Variants in CDH12 observed in about 807,000 individuals in gnomAD.
The protein encoded by CDH12 is cadherin 12, also known as cadherin-12.
In CDH12, 41 loss-of-function variants were observed where a neutral mutation model predicts 74.1. That is an observed-to-expected ratio of 0.55 (90% CI 0.43 to 0.72). The LOEUF is 0.72. Ranked by LOEUF, CDH12 falls within the 30% of genes least tolerant of loss-of-function variation. The pLI is 0.00. For missense variants in CDH12, 945 were observed against 977.2 expected, an observed-to-expected ratio of 0.97 and a Z score of 0.44; for synonymous variants, 399 against 355.0, an observed-to-expected ratio of 1.12 and a Z score of -1.39.
chr5:22,458,489 C>G (rs1443763391), intron 2 of CDH12, among the ~76,000 whole-genome samples: 1 of 152,142 alleles, frequency 6.6e-6, no homozygotes, highest in African/African-American at 2.4e-5. Flanking sequence ...CCAGAACCTA[C>G]CAAGTACAAC....
intron 6 of CDH12, among the ~76,000 whole-genome samples, chr5:21,922,223 A>C (rs1393216714): frequency 6.6e-6 from 1 of 152,156 alleles, no homozygotes; most frequent in Admixed American, 6.5e-5. Flanking sequence ...TTCTCTCTTT[A>C]TACACAGGAA....
chr5:21,831,125 T>C (rs558913863), intron 8 of CDH12, among the ~76,000 whole-genome samples: 1 of 151,910 alleles, frequency 6.6e-6, no homozygotes, highest in African/African-American at 2.4e-5. Context: ...TAAAACAATG[T>C]CGTTTTAGCT....
chr5:22,089,715 G>GA (rs552233408), intron 4 of CDH12, among the ~76,000 whole-genome samples: 21 of 151,690 alleles, frequency 1.4e-4, no homozygotes, highest in African/African-American at 4.6e-4. Context: ...ATCAACTGCA[G>GA]AAAAAAAATT....
chr5:22,385,885 T>C (rs961133687), intron 3 of CDH12, among the ~76,000 whole-genome samples: 2 of 130,514 alleles, frequency 1.5e-5, no homozygotes, highest in Middle Eastern at 4.1e-3. Flanking sequence ...GGCTACGCGC[T>C]TTTTTTTTTT....
chr5:21,880,675 CTTTCT>C (rs1752294571), intron 6 of CDH12, among the ~76,000 whole-genome samples: 1 of 115,776 alleles, frequency 8.6e-6, no homozygotes, highest in African/African-American at 3.1e-5. Flanking sequence ...TTCTTTCTTT[CTTTCT>C]TTCTTTCTTT....
chr5:22,118,277 A>G (rs1179262068), intron 4 of CDH12, among the ~76,000 whole-genome samples: 1 of 152,186 alleles, frequency 6.6e-6, no homozygotes, highest in Non-Finnish European at 1.5e-5. Context: ...AGCCACTTAA[A>G]TTAATCTTAA....
intron 4 of CDH12, among the ~76,000 whole-genome samples, chr5:22,137,013 A>T (rs1264914227): frequency 6.6e-6 from 1 of 151,368 alleles, no homozygotes; most frequent in African/African-American, 2.4e-5. Flanking sequence ...TAGCAAATTC[A>T]TGAATTATTC....
rs111987860 is a variant in CDH12, at chr5:22,068,534, T to C, written c.231+9912A>G. ...TTAGAAATGGGCAGACATGACATTA[T>C]ATATCAATTCATGGGCTGTGGCCAA... On this transcript the variant is annotated intron_variant, in intron 5 of 14. Coordinates refer to ENST00000382254, the MANE Select transcript of CDH12 (RefSeq NM_004061.5). 7.5e-3 allele frequency among the ~76,000 whole-genome samples: 1,148 copies of C among 152,298 alleles called. 6 individuals carry two copies. The highest frequency in any genetic ancestry group is 0.027 in the African/African-American group (1,102 of 41,570).
chr5:22,120,707 GTTTAC>G (rs1745458899), intron 4 of CDH12, among the ~76,000 whole-genome samples: 1 of 151,974 alleles, frequency 6.6e-6, no homozygotes. Flanking sequence ...ACATGATTTT[GTTTAC>G]TTTTCTTTCT....
intron 2 of CDH12, among the ~76,000 whole-genome samples, chr5:22,419,051 T>C (rs1442776561): frequency 6.6e-6 from 1 of 152,190 alleles, no homozygotes; most frequent in Non-Finnish European, 1.5e-5. Context: ...TGGTTCTGCT[T>C]ATGTGATGGA....
intron 2 of CDH12, among the ~76,000 whole-genome samples, chr5:22,440,806 T>C (rs1744593541): frequency 6.6e-6 from 1 of 152,154 alleles, no homozygotes; most frequent in Admixed American, 6.6e-5. Context: ...TAAACCAGGA[T>C]AATCTCCCCA....
chr5:21,756,060 T>A (rs951525779), intron 13 of CDH12, among the ~76,000 whole-genome samples: 8 of 152,180 alleles, frequency 5.3e-5, no homozygotes, highest in Non-Finnish European at 1.0e-4. Flanking sequence ...AGAATTAAAT[T>A]TTCTATTCAG....
chr5:21,966,090 T>C (rs373652357), intron 6 of CDH12, among the ~76,000 whole-genome samples: 1 of 151,840 alleles, frequency 6.6e-6, no homozygotes, highest in African/African-American at 2.4e-5. Flanking sequence ...GATACATATG[T>C]ATTAGTGTGG....
chr5:22,514,002 A>T lies in CDH12; in HGVS notation c.-522-8638T>A, dbSNP rs146224260. ...CACATTACGAAAAATAATGTTTGAA[A>T]GAAAGTAGATACATTTTTAAGTAAT... is the stretch of plus-strand genomic sequence containing the variant. On this transcript the variant is annotated intron_variant, in intron 1 of 14. Coordinates refer to ENST00000382254, the MANE Select transcript of CDH12 (RefSeq NM_004061.5). Among the ~76,000 whole-genome samples, 1,235 of 151,510 alleles carry T rather than the reference A, an allele frequency of 8.2e-3. 12 individuals are homozygous for T. Among genetic ancestry groups the T allele is most frequent in the African/African-American group, 0.029 (1,188 of 41,406 alleles).
chr5:22,500,112 G>C (rs1747274403), intron 2 of CDH12, among the ~76,000 whole-genome samples: 1 of 151,992 alleles, frequency 6.6e-6, no homozygotes. Flanking sequence ...AAGAATACTG[G>C]GGAAATTAAC....
At chr5:22,560,440 G>A (rs1191341850) in intron 1 of CDH12, among the ~76,000 whole-genome samples, 8 of 151,968 alleles carry the variant, frequency 5.3e-5, no homozygotes, top group African/African-American at 1.9e-4. Flanking sequence ...TCAGATAAGA[G>A]GTGCTTACTG....
At chr5:21,845,795 GA>G (rs1750134503) in intron 7 of CDH12, among the ~76,000 whole-genome samples, 2 of 152,020 alleles carry the variant, frequency 1.3e-5, no homozygotes, top group African/African-American at 4.8e-5. Context: ...TGATAAAGGA[GA>G]TAGAAAGAAA....
intron 1 of CDH12, among the ~76,000 whole-genome samples, chr5:22,605,391 C>T (rs1737059505): frequency 6.6e-6 from 1 of 152,188 alleles, no homozygotes; most frequent in Admixed American, 6.5e-5. Context: ...ATCAGTCCCT[C>T]ATGAGAGGCA....
rs1003320574 is a variant in CDH12, at chr5:22,779,631, G to A, written c.-523+73427C>T. Among the ~76,000 whole-genome samples, 5 of 152,192 alleles carry A rather than the reference G, an allele frequency of 3.3e-5. No individual in the cohort carries two copies. The South Asian group carries it at 1.0e-3, about 32-fold the overall frequency. On this transcript the variant is annotated intron_variant, in intron 1 of 14. Transcript: ENST00000382254. The stretch of plus-strand genomic sequence containing the variant: ...ATCATGGAGGCAGTTTCCCCATGCC[G>A]GTCTTGTGATAGTGAGTGAGTTCTC...
Sources: gnomAD v4.1 joint callset for allele counts (sites outside exome capture counted in the v4.1 genomes callset) on GRCh38, gnomAD v4.1.1 for gene constraint, MANE v1.5 for transcripts, NCBI Gene and HGNC (gene_info 2026-07-23, HGNC 2026-07-21) for gene names.